The following SGCZ variants were observed in gnomAD, a reference collection of about 807,000 sequenced individuals.
The protein encoded by SGCZ is zeta-sarcoglycan.
A neutral mutation model predicts 41.3 loss-of-function variants in SGCZ; 40 were observed. The observed-to-expected ratio is 0.97, with a 90% CI of 0.75 to 1.26. SGCZ has a LOEUF of 1.26. SGCZ is among the 50% of genes most tolerant of loss of function. SGCZ has a pLI of 0.00. For synonymous variants in SGCZ, 206 were observed against 137.5 expected (o/e 1.50, Z -3.49); for missense variants, 552 against 369.8 (o/e 1.49, Z -4.04).
intron 2 of SGCZ, among the ~76,000 whole-genome samples, chr8:14,472,108 C>T (rs1801228730): frequency 6.6e-6 from 1 of 151,986 alleles, no homozygotes; most frequent in Admixed American, 6.6e-5. Flanking sequence ...TGCAATTCAG[C>T]ATTTGATCAT....
chr8:14,587,183 A>T (rs1195504606), intron 1 of SGCZ, among the ~76,000 whole-genome samples: 1 of 152,050 alleles, frequency 6.6e-6, no homozygotes, highest in Non-Finnish European at 1.5e-5. Context: ...TCATTACATA[A>T]TGAGAGGGTT....
chr8:14,531,068 C>T (rs1209709659), intron 2 of SGCZ, among the ~76,000 whole-genome samples: 1 of 151,972 alleles, frequency 6.6e-6, no homozygotes, highest in Non-Finnish European at 1.5e-5. Flanking sequence ...AGTCCATGGA[C>T]CAGACTGAGA....
At chr8:14,813,413 G>T (rs1205719089) in intron 1 of SGCZ, among the ~76,000 whole-genome samples, 1 of 152,158 alleles carries the variant, frequency 6.6e-6, no homozygotes, top group Non-Finnish European at 1.5e-5. Flanking sequence ...GAGAGAGTGG[G>T]CAGGTTAACT....
intron 1 of SGCZ, among the ~76,000 whole-genome samples, chr8:14,729,773 C>A (rs572696879): frequency 6.6e-6 from 1 of 152,166 alleles, no homozygotes; most frequent in African/African-American, 2.4e-5. Context: ...ACAAAACCTA[C>A]CATTCTGGTT....
At chr8:14,300,785 T>C (rs1002566008) in intron 3 of SGCZ, among the ~76,000 whole-genome samples, 2 of 152,066 alleles carry the variant, frequency 1.3e-5, no homozygotes, top group African/African-American at 4.8e-5. Context: ...GAGAAATTTC[T>C]ATTCAGGTCC....
At chr8:14,587,840 G>C (rs1221868037) in intron 1 of SGCZ, among the ~76,000 whole-genome samples, 2 of 152,016 alleles carry the variant, frequency 1.3e-5, no homozygotes, top group Non-Finnish European at 2.9e-5. Context: ...TCAGCAAATA[G>C]TTTTGCTATT....
At chr8:15,169,344 C>T (rs1031481412) in intron 1 of SGCZ, among the ~76,000 whole-genome samples, 1 of 152,156 alleles carries the variant, frequency 6.6e-6, no homozygotes, top group Non-Finnish European at 1.5e-5. Context: ...AAGTTCAGGA[C>T]GTTTGCAGGG....
At chr8:14,501,394 T>C (rs775581908) in intron 2 of SGCZ, among the ~76,000 whole-genome samples, 1 of 151,986 alleles carries the variant, frequency 6.6e-6, no homozygotes, top group Non-Finnish European at 1.5e-5. Flanking sequence ...ACAGGAGATG[T>C]TATTTTGTGT....
intron 3 of SGCZ, among the ~76,000 whole-genome samples, chr8:14,304,071 A>G (rs1274567632): frequency 6.6e-6 from 1 of 152,038 alleles, no homozygotes; most frequent in Admixed American, 6.6e-5. Flanking sequence ...TTTTTTAATA[A>G]TGGCTTTACA....
intron 4 of SGCZ, among the ~76,000 whole-genome samples, chr8:14,181,239 G>A (rs1419905972): frequency 2.0e-5 from 3 of 152,192 alleles, no homozygotes; most frequent in African/African-American, 7.2e-5. Flanking sequence ...TACCTTGGGA[G>A]CTGAAAATAT....
chr8:14,919,298 G>A (rs1472676830), intron 1 of SGCZ, among the ~76,000 whole-genome samples: 1 of 151,968 alleles, frequency 6.6e-6, no homozygotes, highest in Non-Finnish European at 1.5e-5. Flanking sequence ...GAAATTAGCT[G>A]GGTGTCGTGG....
chr8:14,410,127 C>T (rs947249076), intron 2 of SGCZ, among the ~76,000 whole-genome samples: 36 of 152,156 alleles, frequency 2.4e-4, no homozygotes, highest in Middle Eastern at 6.8e-3. Context: ...TTGTGAACTG[C>T]GCATGCTAGG....
chr8:14,706,028 TA>T (rs1745332529), intron 1 of SGCZ, among the ~76,000 whole-genome samples: 1 of 152,134 alleles, frequency 6.6e-6, no homozygotes, highest in South Asian at 2.1e-4. Flanking sequence ...ATACAAAATA[TA>T]AAAGAAATTT....
At chr8:14,838,882 G>A (rs1012949984) in intron 1 of SGCZ, among the ~76,000 whole-genome samples, 1 of 152,106 alleles carries the variant, frequency 6.6e-6, no homozygotes, top group Admixed American at 6.6e-5. Flanking sequence ...AGCATAGCGG[G>A]AACAGGGTAA....
At chr8:15,127,174 T>G (rs999999495) in intron 1 of SGCZ, among the ~76,000 whole-genome samples, 3 of 151,958 alleles carry the variant, frequency 2.0e-5, no homozygotes, top group Admixed American at 6.6e-5. Flanking sequence ...AGGTACAGGC[T>G]ACAACTATTA....
intron 1 of SGCZ, among the ~76,000 whole-genome samples, chr8:14,927,981 TCTC>T (rs1374194843): frequency 6.6e-6 from 1 of 152,124 alleles, no homozygotes; most frequent in Non-Finnish European, 1.5e-5. Context: ...GTCAAAGTCA[TCTC>T]CTTTTTTCTG....
chr8:14,142,542 A>C (rs1803403468), intron 5 of SGCZ, among the ~76,000 whole-genome samples: 1 of 152,120 alleles, frequency 6.6e-6, no homozygotes, highest in Non-Finnish European at 1.5e-5. Flanking sequence ...TTTTCTGCTC[A>C]GTTTGAAGCA....
At chr8:15,047,669 A>C (rs774610085) in intron 1 of SGCZ, among the ~76,000 whole-genome samples, 6 of 152,026 alleles carry the variant, frequency 3.9e-5, no homozygotes, top group Non-Finnish European at 7.4e-5. Context: ...GATACTATAA[A>C]AATAAATCTG....
At chr8:14,898,321 A>G (rs975011055) in intron 1 of SGCZ, among the ~76,000 whole-genome samples, 6 of 152,166 alleles carry the variant, frequency 3.9e-5, no homozygotes, top group African/African-American at 1.2e-4. Flanking sequence ...AGGCAAAGCT[A>G]TGCAATGTCA....
Sources: allele counts gnomAD v4.1 joint callset (sites outside exome capture counted in the v4.1 genomes callset), GRCh38; gene constraint gnomAD v4.1.1; transcripts MANE v1.5; gene names NCBI Gene and HGNC (gene_info 2026-07-23, HGNC 2026-07-21).